Variants in CYP2C19 observed in about 807,000 individuals in gnomAD.
The protein encoded by CYP2C19 is cytochrome P450 2C19.
A neutral mutation model predicts 40.9 loss-of-function variants in CYP2C19; 59 were observed. That is an observed-to-expected ratio of 1.44 (90% CI 1.17 to 1.79). The LOEUF is 1.79. Ranked by LOEUF, CYP2C19 falls within the 40% of genes most tolerant of loss-of-function variation. CYP2C19 has a pLI of 0.00. For missense variants in CYP2C19, 754 were observed against 596.9 expected (o/e 1.26, Z -2.74); for synonymous variants, 253 against 208.7 (o/e 1.21, Z -1.83).
At chr10:94,805,473 C>A (rs1848819618) in intron 5 of CYP2C19, among the ~76,000 whole-genome samples, 1 of 152,120 alleles carries the variant, frequency 6.6e-6, no homozygotes, top group Non-Finnish European at 1.5e-5. Context: ...CTGTATTAAT[C>A]ATTTTAAGTG....
chr10:94,763,733 G>A (rs914856984), intron 1 of CYP2C19, among the ~76,000 whole-genome samples: 2 of 151,924 alleles, frequency 1.3e-5, no homozygotes, highest in African/African-American at 4.8e-5. Context: ...TCACTTTCAG[G>A]GAGAGCAGTG....
At chr10:94,783,996 C>G (rs80259168) in intron 5 of CYP2C19, among the ~76,000 whole-genome samples, 7,263 of 152,214 alleles carry the variant, frequency 0.048, 247 homozygotes, top group South Asian at 0.11. Context: ...CAACCATCAG[C>G]TTTCTCTGGT....
At chr10:94,801,443 C>T (rs1848764317) in intron 5 of CYP2C19, among the ~76,000 whole-genome samples, 1 of 152,168 alleles carries the variant, frequency 6.6e-6, no homozygotes, top group Non-Finnish European at 1.5e-5. Flanking sequence ...GTTGATTGCA[C>T]TGTGGTTTGA....
At chr10:94,793,906 A>T (rs1353326824) in intron 5 of CYP2C19, among the ~76,000 whole-genome samples, 1 of 152,166 alleles carries the variant, frequency 6.6e-6, no homozygotes, top group African/African-American at 2.4e-5. Context: ...GGGACGTTTA[A>T]GTCTGCAGAA....
At chr10:94,783,450 A>G (rs1352012520) in intron 5 of CYP2C19, among the ~76,000 whole-genome samples, 1 of 152,132 alleles carries the variant, frequency 6.6e-6, no homozygotes, top group Non-Finnish European at 1.5e-5. Flanking sequence ...GTAAACTAAA[A>G]TGATTTGTAC....
At chr10:94,771,572 T>A (rs1848331755) in intron 1 of CYP2C19, among the ~76,000 whole-genome samples, 1 of 152,084 alleles carries the variant, frequency 6.6e-6, no homozygotes, top group African/African-American at 2.4e-5. Flanking sequence ...ATGAGCCACC[T>A]CTTTTTCAGG....
intron 1 of CYP2C19, among the ~76,000 whole-genome samples, chr10:94,770,643 A>T (rs939840557): frequency 6.6e-6 from 1 of 152,054 alleles, no homozygotes; most frequent in African/African-American, 2.4e-5. Context: ...GGATCAATTG[A>T]CCTTCTAGTC....
chr10:94,852,681 C>A, intron 8 of CYP2C19, 52 bp from the exon 9 acceptor site: 2 of 1,585,996 alleles, frequency 1.3e-6, no homozygotes, highest in South Asian at 2.2e-5. Flanking sequence ...GTGTTTGTCA[C>A]TCTCACAGTT....
chr10:94,827,890 C>T (rs970047665), intron 6 of CYP2C19, among the ~76,000 whole-genome samples: 8 of 151,908 alleles, frequency 5.3e-5, no homozygotes, highest in South Asian at 2.1e-4. Flanking sequence ...TTTCAAAGAA[C>T]ATCTTTATTT....
chr10:94,775,152 T>C lies in CYP2C19; in HGVS notation c.263T>C (p.Ile88Thr), dbSNP rs1471083174. The C allele has an allele frequency of 2.5e-6, 4 of 1,614,022 alleles. No homozygotes were observed. Among genetic ancestry groups the C allele is most frequent in the African/African-American group, 1.3e-5 (1 of 74,926 alleles). Reference protein sequence around the residue: ...HGYEVVKEALIDLGEEFSGRG... With the variant: ...HGYEVVKEALTDLGEEFSGRG... The stretch of plus-strand genomic sequence containing the variant: ...TATGAAGTGGTGAAGGAAGCCCTGA[T>C]TGATCTTGGAGAGGAGTTTTCTGGA... The change falls in exon 2 of 9, where the codon ATT becomes ACT. Residue 88 changes from isoleucine (I) to threonine (T), a missense_variant. By Grantham distance (89) the Ile-to-Thr change is moderately conservative. Transcript: ENST00000371321.
chr10:94,813,188 A>G (rs1036946869), intron 5 of CYP2C19, among the ~76,000 whole-genome samples: 1 of 151,980 alleles, frequency 6.6e-6, no homozygotes, highest in Non-Finnish European at 1.5e-5. Context: ...ACTGGGTATC[A>G]CCAGAGGAGG....
At chr10:94,812,122 C>T (rs1027901075) in intron 5 of CYP2C19, among the ~76,000 whole-genome samples, 6 of 152,110 alleles carry the variant, frequency 3.9e-5, no homozygotes, top group Non-Finnish European at 7.3e-5. Flanking sequence ...GTTATTTCTC[C>T]TTTGCCTATG....
At chr10:94,790,952 C>G (rs974766970) in intron 5 of CYP2C19, among the ~76,000 whole-genome samples, 1 of 152,078 alleles carries the variant, frequency 6.6e-6, no homozygotes, top group South Asian at 2.1e-4. Flanking sequence ...GCACCAGTTC[C>G]TCTTTGTACC....
At chr10:94,834,748 C>T (rs1329818847) in intron 6 of CYP2C19, among the ~76,000 whole-genome samples, 3 of 152,158 alleles carry the variant, frequency 2.0e-5, no homozygotes, top group African/African-American at 7.2e-5. Context: ...GCCTAATTAG[C>T]ATTTTAGTGA....
chr10:94,791,600 T>C (rs984547124), intron 5 of CYP2C19, among the ~76,000 whole-genome samples: 2 of 152,194 alleles, frequency 1.3e-5, no homozygotes, highest in Non-Finnish European at 2.9e-5. Flanking sequence ...AACATCTTTA[T>C]TTCTGACTTC....
chr10:94,787,253 T>A (rs1848554412), intron 5 of CYP2C19, among the ~76,000 whole-genome samples: 1 of 152,286 alleles, frequency 6.6e-6, no homozygotes, highest in Non-Finnish European at 1.5e-5. Flanking sequence ...TGATAAGTGA[T>A]GTTCAGCATT....
At chr10:94,775,326 C>T in intron 2 of CYP2C19, 64 bp from the exon 3 acceptor site, 1 of 1,612,364 alleles carries the variant, frequency 6.2e-7, no homozygotes. Flanking sequence ...ACATGGCTGC[C>T]CAGTGTCAGC....
At chr10:94,774,920 A>G (rs1848385509) in intron 1 of CYP2C19, 138 bp from the exon 2 acceptor site, 1 of 891,060 alleles carries the variant, frequency 1.1e-6, no homozygotes, top group Non-Finnish European at 1.7e-6. Flanking sequence ...TCATGTTTAT[A>G]TATAAAATTC....
chr10:94,764,222 G>T (rs753510613), intron 1 of CYP2C19, among the ~76,000 whole-genome samples: 4 of 152,016 alleles, frequency 2.6e-5, no homozygotes, highest in Admixed American at 6.6e-5. Flanking sequence ...CAGGTGGGCA[G>T]CTTTTATTCC....
Sources: allele counts gnomAD v4.1 joint callset (sites outside exome capture counted in the v4.1 genomes callset), GRCh38; gene constraint gnomAD v4.1.1; transcripts MANE v1.5; gene names NCBI Gene and HGNC (gene_info 2026-07-23, HGNC 2026-07-21).